KIAA1217: variants seen among roughly 807,000 people sequenced by gnomAD.
KIAA1217 encodes KIAA1217, also known as sickle tail protein homolog.
KIAA1217 carries 88 observed loss-of-function variants against 163.9 expected under a neutral mutation model. That is an observed-to-expected ratio of 0.54 (90% CI 0.45 to 0.64). KIAA1217 has a LOEUF of 0.64. Among genes scored for constraint, KIAA1217 ranks in the 30% least tolerant of loss-of-function variants. The pLI is 0.00. For synonymous variants in KIAA1217, 903 were observed against 923.1 expected (o/e 0.98, Z 0.39); for missense variants, 2,372 against 2,475.0 (o/e 0.96, Z 0.88).
intron 1 of KIAA1217, among the ~76,000 whole-genome samples, chr10:23,736,160 C>CCTTCTATAAGGAAATACTTCCTTT (rs1838786190): frequency 6.6e-6 from 1 of 152,178 alleles, no homozygotes; most frequent in Admixed American, 6.5e-5. Context: ...TACTTCTTTG[C>CCTTCTATAAGGAAATACTTCCTTT]ACATGTTATT....
rs117933896 is a variant in KIAA1217 at position 23,705,256 on chromosome 10, G to T, written c.-321+10022G>T. ...TTTCAGTTTCCTGATGGTTTATTTT[G>T]CAACACAAAAGTTTTAATATGTTGA... On this transcript the variant is annotated intron_variant, in intron 1 of 18. Coordinates refer to the KIAA1217 transcript ENST00000376462. Among the ~76,000 whole-genome samples the T allele has an allele frequency of 4.5e-4, 68 of 152,008 alleles. 1 individual carries two copies. The East Asian group carries it at 9.7e-3, about 22-fold the overall frequency.
intron 1 of KIAA1217, among the ~76,000 whole-genome samples, chr10:23,983,936 C>G (rs923954386): frequency 6.6e-6 from 1 of 152,136 alleles, no homozygotes; most frequent in African/African-American, 2.4e-5. Flanking sequence ...ACACCCATCA[C>G]TGTGTACCTA....
At chr10:23,779,848 A>C (rs1270356483) in intron 1 of KIAA1217, among the ~76,000 whole-genome samples, 1 of 152,166 alleles carries the variant, frequency 6.6e-6, no homozygotes, top group African/African-American at 2.4e-5. Context: ...CTGTATTTTT[A>C]CCGTATCTTT....
chr10:24,341,181 T>G (rs1307101509), intron 2 of KIAA1217, among the ~76,000 whole-genome samples: 1 of 152,244 alleles, frequency 6.6e-6, no homozygotes, highest in African/African-American at 2.4e-5. Context: ...CGGGCTGAAG[T>G]TGGACTCAGT....
intron 2 of KIAA1217, among the ~76,000 whole-genome samples, chr10:24,376,195 C>T (rs1317648626): frequency 1.3e-5 from 2 of 152,234 alleles, no homozygotes; most frequent in African/African-American, 4.8e-5. Flanking sequence ...CAGATCTTAG[C>T]ACTACCTAGC....
intron 1 of KIAA1217, among the ~76,000 whole-genome samples, chr10:23,954,440 C>G (rs571037439): frequency 1.3e-5 from 2 of 152,028 alleles, no homozygotes; most frequent in Admixed American, 6.6e-5. Context: ...TAATGTACAT[C>G]TGTGGTCCCA....
intron 2 of KIAA1217, among the ~76,000 whole-genome samples, chr10:24,254,414 G>C (rs112519608): frequency 6.6e-6 from 1 of 152,222 alleles, no homozygotes. Flanking sequence ...GACTCACAGT[G>C]ACTCTTATCC....
intron 1 of KIAA1217, among the ~76,000 whole-genome samples, chr10:23,781,418 G>C (rs1340187728): frequency 1.3e-5 from 2 of 152,054 alleles, no homozygotes; most frequent in Non-Finnish European, 2.9e-5. Flanking sequence ...TCTTCTTTGG[G>C]AAAATATCTA....
Position 24,374,218 on chromosome 10 carries a change from C to T in KIAA1217, c.355-6651C>T, listed in dbSNP as rs149330318. ...ACTAATTATCAGACCTCAACTTAAG[C>T]TAGGAGAAACGTGAGAATCTCAGAT... On this transcript the variant is annotated intron_variant, in intron 2 of 20. Coordinates refer to ENST00000376454, the MANE Select transcript of KIAA1217 (RefSeq NM_019590.5). Among the ~76,000 whole-genome samples, 11 of 152,280 alleles carry T rather than the reference C, an allele frequency of 7.2e-5. No homozygotes were observed. In the East Asian group the frequency reaches 2.1e-3, roughly 29 times the overall value.
At chr10:24,057,057 A>G (rs1340312773) in intron 2 of KIAA1217, among the ~76,000 whole-genome samples, 2 of 151,906 alleles carry the variant, frequency 1.3e-5, no homozygotes, top group Non-Finnish European at 2.9e-5. Context: ...CAGCCTGGGT[A>G]ACATAGGAAG....
At chr10:24,006,553 T>C (rs1847007146) in intron 1 of KIAA1217, among the ~76,000 whole-genome samples, 1 of 152,200 alleles carries the variant, frequency 6.6e-6, no homozygotes, top group South Asian at 2.1e-4. Context: ...TTCATTCTTC[T>C]GGGTCTCCTC....
intron 2 of KIAA1217, among the ~76,000 whole-genome samples, chr10:24,195,088 A>C (rs185608099): frequency 1.7e-3 from 257 of 152,128 alleles, no homozygotes; most frequent in African/African-American, 5.9e-3. Flanking sequence ...CTTCCAGGGA[A>C]GGCAGATTCC....
At chr10:23,982,230 A>C (rs1845795736) in intron 1 of KIAA1217, among the ~76,000 whole-genome samples, 1 of 152,220 alleles carries the variant, frequency 6.6e-6, no homozygotes, top group Non-Finnish European at 1.5e-5. Flanking sequence ...CAACTGTTAA[A>C]GAAAGAAACT....
chr10:24,233,044 G>C (rs1221396123), intron 2 of KIAA1217, among the ~76,000 whole-genome samples: 1 of 149,356 alleles, frequency 6.7e-6, no homozygotes, highest in Non-Finnish European at 1.5e-5. Context: ...AGGATCATTT[G>C]AGCCTGGGAA....
chr10:24,344,169 G>A (rs765587035), intron 2 of KIAA1217, among the ~76,000 whole-genome samples: 2 of 152,062 alleles, frequency 1.3e-5, no homozygotes, highest in Non-Finnish European at 2.9e-5. Context: ...AGCTTAACAA[G>A]ATTGAATATA....
chr10:24,197,339 T>C (rs1202451359), intron 2 of KIAA1217, among the ~76,000 whole-genome samples: 1 of 152,184 alleles, frequency 6.6e-6, no homozygotes, highest in East Asian at 1.9e-4. Flanking sequence ...ATTTCTGACT[T>C]ATGGAAAAAA....
chr10:24,466,533 G>A (rs562504400), intron 5 of KIAA1217: 2 of 985,350 alleles, frequency 2.0e-6, no homozygotes, highest in East Asian at 1.1e-4. Flanking sequence ...TTTTATCCAT[G>A]CCAGTGTCAG....
intron 2 of KIAA1217, among the ~76,000 whole-genome samples, chr10:24,018,622 T>C (rs1171239157): frequency 1.3e-5 from 2 of 151,856 alleles, no homozygotes; most frequent in Non-Finnish European, 2.9e-5. Context: ...ATATAGTAAG[T>C]ATAGCCATTC....
intron 1 of KIAA1217, among the ~76,000 whole-genome samples, chr10:23,836,310 T>A (rs1035095662): frequency 6.6e-6 from 1 of 152,158 alleles, no homozygotes; most frequent in African/African-American, 2.4e-5. Flanking sequence ...TTTATATGGA[T>A]TTTATGTCTT....
Sources: allele counts gnomAD v4.1 joint callset (sites outside exome capture counted in the v4.1 genomes callset), GRCh38; gene constraint gnomAD v4.1.1; transcripts MANE v1.5; gene names NCBI Gene and HGNC (gene_info 2026-07-23, HGNC 2026-07-21).